Variants in PPM1E observed in about 807,000 individuals in gnomAD.
The protein encoded by PPM1E is protein phosphatase 1E.
PPM1E carries 20 observed loss-of-function variants against 65.9 expected under a neutral mutation model. The ratio of observed to expected loss-of-function variants is 0.30; its 90% confidence interval spans 0.21 to 0.44. The LOEUF (loss-of-function observed/expected upper bound fraction) is 0.44, where lower values mean the gene tolerates loss of function less well. Ranked by LOEUF, PPM1E falls within the 20% of genes least tolerant of loss-of-function variation. The probability of loss-of-function intolerance (pLI) is 1.00; values close to 1 mark genes in which losing one functional copy is unlikely to be tolerated. For missense variants in PPM1E, 713 were observed against 953.1 expected, an observed-to-expected ratio of 0.75 and a Z score of 3.32; for synonymous variants, 352 against 374.9, an observed-to-expected ratio of 0.94 and a Z score of 0.70.
chr17:58,884,406 G>A (rs966716116), intron 1 of PPM1E, among the ~76,000 whole-genome samples: 4 of 151,840 alleles, frequency 2.6e-5, no homozygotes, highest in Admixed American at 1.3e-4. Flanking sequence ...CTCTTTGGTC[G>A]GCTAAGTCAG....
chr17:58,937,755 C>T (rs2052003036), intron 1 of PPM1E, among the ~76,000 whole-genome samples: 1 of 149,206 alleles, frequency 6.7e-6, no homozygotes, highest in Non-Finnish European at 1.5e-5. Context: ...TGGCAGGCAC[C>T]TCTAATCCCA....
intron 1 of PPM1E, among the ~76,000 whole-genome samples, chr17:58,887,162 CT>C (rs71143300): frequency 4.7e-4 from 53 of 111,706 alleles, no homozygotes; most frequent in Admixed American, 9.0e-4. Context: ...AGGCCTTCTT[CT>C]TTTTTTTTTT....
intron 1 of PPM1E, among the ~76,000 whole-genome samples, chr17:58,772,245 C>T (rs78175190): frequency 6.6e-6 from 1 of 150,910 alleles, no homozygotes; most frequent in Non-Finnish European, 1.5e-5. Context: ...ATCACAAGGT[C>T]AAGAGATCAA....
chr17:58,764,931 TATC>T (rs1172321621), intron 1 of PPM1E, among the ~76,000 whole-genome samples: 2 of 151,836 alleles, frequency 1.3e-5, no homozygotes, highest in African/African-American at 4.8e-5. Flanking sequence ...ATAGGCCTAT[TATC>T]ATCATCATCT....
At chr17:58,856,686 G>A (rs1294982392) in intron 1 of PPM1E, among the ~76,000 whole-genome samples, 1 of 152,024 alleles carries the variant, frequency 6.6e-6, no homozygotes. Flanking sequence ...AAAAGATTAG[G>A]GCACAAATAG....
intron 1 of PPM1E, among the ~76,000 whole-genome samples, chr17:58,798,470 G>A (rs986308660): frequency 1.3e-5 from 2 of 149,096 alleles, no homozygotes; most frequent in African/African-American, 4.9e-5. Flanking sequence ...TGATCCACCC[G>A]CCTTAGCCTC....
intron 6 of PPM1E, among the ~76,000 whole-genome samples, chr17:58,978,915 G>A (rs1363244006): frequency 6.6e-6 from 1 of 152,138 alleles, no homozygotes; most frequent in Non-Finnish European, 1.5e-5. Context: ...CTAGTTTAGT[G>A]TGGTCCCAAG....
intron 1 of PPM1E, among the ~76,000 whole-genome samples, chr17:58,933,633 T>C (rs1567879328): frequency 6.6e-6 from 1 of 151,588 alleles, no homozygotes; most frequent in South Asian, 2.1e-4. Flanking sequence ...CCATCTCTAC[T>C]AACAATACAA....
rs149153947 is a variant in PPM1E, at chr17:58,828,691, T to C, written c.464+72230T>C. On this transcript the variant is annotated intron_variant, in intron 1 of 6. Transcript: ENST00000308249. ...GTTGGTCAGGCTGGTCTCGACCTCC[T>C]GACCTCTGGTGATCCTCCTGTCTTG... 1.1e-3 allele frequency among the ~76,000 whole-genome samples: 165 copies of C among 152,286 alleles called. 1 individual carries two copies. Among genetic ancestry groups the C allele is most frequent in the African/African-American group, 3.8e-3 (160 of 41,564 alleles).
chr17:58,919,647 C>T (rs1424168204), intron 1 of PPM1E, among the ~76,000 whole-genome samples: 1 of 151,744 alleles, frequency 6.6e-6, no homozygotes, highest in Non-Finnish European at 1.5e-5. Flanking sequence ...ATTAGCTGGG[C>T]GTGGTGGTGC....
chr17:58,817,479 G>C (rs1321724547), intron 1 of PPM1E, among the ~76,000 whole-genome samples: 1 of 152,016 alleles, frequency 6.6e-6, no homozygotes, highest in Non-Finnish European at 1.5e-5. Flanking sequence ...GTTATCATTT[G>C]GGGGTAATAA....
chr17:58,838,141 A>G (rs935751327), intron 1 of PPM1E, among the ~76,000 whole-genome samples: 3 of 152,244 alleles, frequency 2.0e-5, no homozygotes, highest in African/African-American at 4.8e-5. Flanking sequence ...GAGTTTGGCC[A>G]TGAGTTTTAG....
At chr17:58,909,533 C>T (rs1467564515) in intron 1 of PPM1E, among the ~76,000 whole-genome samples, 2 of 152,226 alleles carry the variant, frequency 1.3e-5, no homozygotes, top group East Asian at 3.9e-4. Context: ...GTGTGAGCCA[C>T]CATGGCTGAC....
Position 58,793,863 on chromosome 17 carries a change from C to T in PPM1E, c.464+37402C>T, listed in dbSNP as rs150022811. On this transcript the variant is annotated intron_variant, in intron 1 of 6. Coordinates refer to ENST00000308249, the MANE Select transcript of PPM1E (RefSeq NM_014906.5). Reference sequence around the variant, plus strand: ...TATATACCACTTTTATTTTATTTTGCGACAGGGTTTCACTCTGTTGCCCAA... The same window carrying T: ...TATATACCACTTTTATTTTATTTTGTGACAGGGTTTCACTCTGTTGCCCAA... Among the ~76,000 whole-genome samples, 867 of 151,720 alleles carry T rather than the reference C, an allele frequency of 5.7e-3. 5 individuals are homozygous for T. The highest frequency in any genetic ancestry group is 9.2e-3 in the African/African-American group (382 of 41,382).
chr17:58,792,483 G>A (rs2050165431), intron 1 of PPM1E, among the ~76,000 whole-genome samples: 1 of 151,250 alleles, frequency 6.6e-6, no homozygotes, highest in African/African-American at 2.4e-5. Context: ...TGGGACTACA[G>A]GTGTGCACCA....
Position 58,771,011 on chromosome 17 carries a change from C to A in PPM1E, c.464+14550C>A, listed in dbSNP as rs550695310. ...AGCTGGGACTACAGGCGCATGCCAC[C>A]ACGCCCAACTAATTTTTGTATTTTT... On this transcript the variant is annotated intron_variant, in intron 1 of 6. Coordinates refer to ENST00000308249, the MANE Select transcript of PPM1E (RefSeq NM_014906.5). 2.6e-4 allele frequency among the ~76,000 whole-genome samples: 40 copies of A among 152,106 alleles called. No homozygotes were observed. In the South Asian group the frequency reaches 8.3e-3, roughly 32 times the overall value.
At chr17:58,817,639 C>G (rs1162380736) in intron 1 of PPM1E, among the ~76,000 whole-genome samples, 1 of 152,132 alleles carries the variant, frequency 6.6e-6, no homozygotes, top group African/African-American at 2.4e-5. Context: ...TGTTACTTCT[C>G]TATTAACAGT....
At chr17:58,844,675 T>G (rs1381949758) in intron 1 of PPM1E, among the ~76,000 whole-genome samples, 2 of 152,232 alleles carry the variant, frequency 1.3e-5, no homozygotes, top group African/African-American at 4.8e-5. Context: ...TTAATGGAAT[T>G]TATTTCACTG....
At chr17:58,978,540 G>A (rs991915603) in intron 6 of PPM1E, among the ~76,000 whole-genome samples, 12 of 151,980 alleles carry the variant, frequency 7.9e-5, no homozygotes, top group Non-Finnish European at 1.3e-4. Flanking sequence ...GTGAAACCCC[G>A]TCTCTAATAA....
Sources: gnomAD v4.1 joint callset for allele counts (sites outside exome capture counted in the v4.1 genomes callset) on GRCh38, gnomAD v4.1.1 for gene constraint, MANE v1.5 for transcripts, NCBI Gene and HGNC (gene_info 2026-07-23, HGNC 2026-07-21) for gene names.